Variants in TOR1AIP1 observed in about 807,000 individuals in gnomAD.
TOR1AIP1 encodes torsin 1A interacting protein 1, also known as torsin-1A-interacting protein 1.
A neutral mutation model predicts 63.3 loss-of-function variants in TOR1AIP1; 54 were observed. That is an observed-to-expected ratio of 0.85 (90% CI 0.69 to 1.07). TOR1AIP1 has a LOEUF of 1.07. Ranked by LOEUF, TOR1AIP1 falls within the 50% of genes least tolerant of loss-of-function variation. The pLI is 0.00. For synonymous variants in TOR1AIP1, 294 were observed against 273.5 expected (o/e 1.07, Z -0.74); for missense variants, 736 against 715.0 (o/e 1.03, Z -0.33).
In TOR1AIP1 at chr1:179,882,557, G is replaced by T. The variant is rs760887402; in HGVS notation, c.55G>T (p.Val19Phe). The change falls in exon 1 of 10, where the codon GTC becomes TTC. Residue 19 changes from valine to phenylalanine, a missense_variant. By Grantham distance (50) the Val-to-Phe change is conservative (BLOSUM62 -1). This residue lies in a region of TOR1AIP1 where 464 missense variants were observed against 371.0 expected (regional missense o/e 1.25). Transcript: ENST00000606911. ...GGTGCGGGAAGGATGGGGTGTGTAC[G>T]TCACCCCCAGGGCCCCCATCCGAGA... ...EAVREGWGVY[V>F]TPRAPIREGR... 1.3e-6 allele frequency: 2 copies of T among 1,506,016 alleles called. No homozygotes were observed. Among genetic ancestry groups the T allele is most frequent in the Non-Finnish European group, 1.8e-6 (2 of 1,131,140 alleles). The allele number at this position is 1,506,016 out of a possible 1,614,324, so 93.3% of individuals were successfully genotyped here. A position where few individuals can be genotyped will look rare whatever the true frequency, so the allele number is the denominator to read the frequency against.
chr1:179,884,767 C>T lies in TOR1AIP1; in HGVS notation c.551C>T (p.Pro184Leu). Residue 184 changes from proline (P) to leucine (L), a missense_variant and splice_region_variant, in exon 2 of 10, where the codon CCA becomes CTA. Physicochemically the swap from Pro to Leu is moderately conservative, Grantham distance 98. Around this residue, in one of 2 missense-constraint regions of TOR1AIP1, gnomAD observed 464 missense variants for 371.0 expected, o/e 1.25. Coordinates refer to ENST00000606911, the MANE Select transcript of TOR1AIP1 (RefSeq NM_015602.4). ...KKTVRSIQEAPVSEDLVIRLR... is the reference protein window; with the variant it reads ...KKTVRSIQEALVSEDLVIRLR... ...ACTGTCAGGAGCATACAAGAGGCTC[C>T]AGGTAAGAATAGTTAACTTTTTGTT... The T allele has an allele frequency of 6.2e-7, 1 of 1,605,778 alleles. No homozygotes were observed. The highest frequency in any genetic ancestry group is 8.5e-7 in the Non-Finnish European group (1 of 1,177,500).
chr1:179,892,385 A>G (rs1648111017), intron 3 of TOR1AIP1, among the ~76,000 whole-genome samples: 1 of 152,096 alleles, frequency 6.6e-6, no homozygotes, highest in African/African-American at 2.4e-5. Flanking sequence ...AGGCAGGAGA[A>G]TCACTTATAC....
intron 4 of TOR1AIP1, 61 bp downstream of exon 4, chr1:179,900,228 C>A: frequency 1.7e-6 from 2 of 1,178,700 alleles, no homozygotes; most frequent in Non-Finnish European, 2.5e-6. Flanking sequence ...ACATTAGAAG[C>A]CATTCTGATA....
intron 9 of TOR1AIP1, among the ~76,000 whole-genome samples, chr1:179,915,985 A>G (rs1424462131): frequency 6.6e-6 from 1 of 152,174 alleles, no homozygotes; most frequent in Non-Finnish European, 1.5e-5. Context: ...CCTTGAGACA[A>G]CCATGGTACT....
In TOR1AIP1 at chr1:179,919,450, GC is replaced by G. The variant is rs1314182787; in HGVS notation, c.*1213del. The G allele has an allele frequency of 6.6e-6, 1 of 152,108 alleles. No homozygotes were observed. Among genetic ancestry groups the G allele is most frequent in the African/African-American group, 2.4e-5 (1 of 41,426 alleles). The allele number at this position is 152,108 out of a possible 1,614,324, so 9.4% of individuals were successfully genotyped here. ...TGCAGTCCAAGTCCTCTAGTGCAACGCCATAGCAAATATAAAGATTTACTAT... is the reference window on the plus strand; with the variant it reads ...TGCAGTCCAAGTCCTCTAGTGCAACGCATAGCAAATATAAAGATTTACTAT... On this transcript the variant is annotated 3_prime_UTR_variant, in exon 10 of 10. Coordinates refer to ENST00000606911, the MANE Select transcript of TOR1AIP1 (RefSeq NM_015602.4).
At chr1:179,887,199 AC>A (rs996446186) in intron 2 of TOR1AIP1, among the ~76,000 whole-genome samples, 9 of 151,452 alleles carry the variant, frequency 5.9e-5, no homozygotes, top group Non-Finnish European at 1.5e-5. Flanking sequence ...GGAGTTCGAG[AC>A]CAGCCTGGCC....
chr1:179,915,278 C>A (rs965142314), intron 9 of TOR1AIP1, among the ~76,000 whole-genome samples: 3 of 152,152 alleles, frequency 2.0e-5, no homozygotes, highest in Admixed American at 2.0e-4. Flanking sequence ...TCTTACTGAG[C>A]TTTTAGTACT....
In TOR1AIP1 at chr1:179,882,492, C is replaced by G; in HGVS notation, c.-11C>G. ...CCATCTTCGCGATCGACTAAAGCTA[C>G]GTCAACAACTATGGCGGGCGACGGG... On this transcript the variant is annotated 5_prime_UTR_variant, in exon 1 of 10. Transcript: ENST00000606911. 2 of 1,457,836 alleles carry G rather than the reference C, an allele frequency of 1.4e-6. No individual in the cohort carries two copies. Among genetic ancestry groups the G allele is most frequent in the Non-Finnish European group, 1.8e-6 (2 of 1,105,448 alleles). The allele number at this position is 1,457,836 out of a possible 1,614,324, so 90.3% of individuals were successfully genotyped here. A position where few individuals can be genotyped will look rare whatever the true frequency, so the allele number is the denominator to read the frequency against.
chr1:179,905,545 G>A (rs547031361), intron 6 of TOR1AIP1, among the ~76,000 whole-genome samples: 92 of 152,168 alleles, frequency 6.0e-4, no homozygotes, highest in Non-Finnish European at 1.1e-3. Flanking sequence ...ATCAGTTGTG[G>A]AAAATTACTC....
chr1:179,912,457 A>G (rs568034899), intron 8 of TOR1AIP1, among the ~76,000 whole-genome samples: 2 of 152,334 alleles, frequency 1.3e-5, no homozygotes, highest in Admixed American at 6.5e-5. Context: ...TGTTTGTGTT[A>G]TATGAATTAT....
chr1:179,885,059 CCTCA>C (rs1571721048), intron 2 of TOR1AIP1, among the ~76,000 whole-genome samples: 2 of 152,186 alleles, frequency 1.3e-5, no homozygotes, highest in African/African-American at 4.8e-5. Context: ...CCCCCAAGTG[CCTCA>C]CTATCATTCT....
intron 3 of TOR1AIP1, among the ~76,000 whole-genome samples, chr1:179,897,763 A>G (rs1648332362): frequency 6.6e-6 from 1 of 152,138 alleles, no homozygotes; most frequent in African/African-American, 2.4e-5. Flanking sequence ...AACCTCTCAT[A>G]TTAGGAAAAG....
chr1:179,911,439 A>G (rs1648828935), intron 8 of TOR1AIP1, among the ~76,000 whole-genome samples: 1 of 152,244 alleles, frequency 6.6e-6, no homozygotes, highest in African/African-American at 2.4e-5. Context: ...CGTTAGCAAC[A>G]GTTTCCTGTA....
At chr1:179,883,245 T>G (rs1647798774) in intron 1 of TOR1AIP1, among the ~76,000 whole-genome samples, 1 of 152,128 alleles carries the variant, frequency 6.6e-6, no homozygotes, top group African/African-American at 2.4e-5. Context: ...CGGGCATCAA[T>G]TTAGGGGAGT....
At chr1:179,901,837 A>T (rs1340710091) in intron 5 of TOR1AIP1, among the ~76,000 whole-genome samples, 1 of 152,090 alleles carries the variant, frequency 6.6e-6, no homozygotes, top group Non-Finnish European at 1.5e-5. Flanking sequence ...TTATTCAATG[A>T]AAGAGTTGAC....
intron 3 of TOR1AIP1, 76 bp from the exon 4 acceptor site, chr1:179,900,050 T>A: frequency 8.6e-7 from 1 of 1,161,920 alleles, no homozygotes; most frequent in African/African-American, 1.6e-5. Context: ...ACTTTTTTCC[T>A]AAGCTTTTGT....
At chr1:179,900,375 T>G (rs925407658) in intron 4 of TOR1AIP1, 11 of 340,198 alleles carry the variant, frequency 3.2e-5, no homozygotes, top group African/African-American at 1.9e-4. Context: ...CGATCAGGTG[T>G]CTGCACTAAG....
chr1:179,912,941 C>T (rs1188618967), intron 8 of TOR1AIP1, among the ~76,000 whole-genome samples: 1 of 151,978 alleles, frequency 6.6e-6, no homozygotes, highest in African/African-American at 2.4e-5. Flanking sequence ...AGTTATAAAA[C>T]TCCAGGCAAG....
intron 3 of TOR1AIP1, among the ~76,000 whole-genome samples, chr1:179,898,242 A>T (rs543534562): frequency 6.6e-6 from 1 of 152,316 alleles, no homozygotes; most frequent in Admixed American, 6.5e-5. Context: ...CTATACCCTT[A>T]GACAAGTCAC....
Sources: allele counts gnomAD v4.1 joint callset (sites outside exome capture counted in the v4.1 genomes callset), GRCh38; gene constraint gnomAD v4.1.1; regional missense constraint gnomAD v4.1.1; transcripts MANE v1.5; gene names NCBI Gene and HGNC (gene_info 2026-07-23, HGNC 2026-07-21).